Variants in RSRC1 observed in about 807,000 individuals in gnomAD.
RSRC1 encodes the protein serine/Arginine-related protein 53.
A neutral mutation model predicts 49.1 loss-of-function variants in RSRC1; 39 were observed. The observed-to-expected ratio is 0.79, with a 90% CI of 0.61 to 1.04. The LOEUF (loss-of-function observed/expected upper bound fraction) is 1.04, where lower values mean the gene tolerates loss of function less well. RSRC1 is among the 50% of genes least tolerant of loss of function. RSRC1 has a pLI of 0.00. For synonymous variants in RSRC1, 143 were observed against 130.8 expected (o/e 1.09, Z -0.63); for missense variants, 388 against 402.4 (o/e 0.96, Z 0.31).
At chr3:158,324,820 A>G (rs543689222) in intron 5 of RSRC1, among the ~76,000 whole-genome samples, 30 of 152,330 alleles carry the variant, frequency 2.0e-4, no homozygotes, top group African/African-American at 6.5e-4. Flanking sequence ...TGTCTTCCAC[A>G]ATGTTGAAGT....
At chr3:158,217,751 A>AGT (rs376564459) in intron 4 of RSRC1, among the ~76,000 whole-genome samples, 15,473 of 99,726 alleles carry the variant, frequency 0.16, 986 homozygotes, top group South Asian at 0.22. Flanking sequence ...ATTATGGTCC[A>AGT]GTGTGTGTGT....
intron 4 of RSRC1, among the ~76,000 whole-genome samples, chr3:158,282,028 A>G (rs980854111): frequency 5.3e-5 from 8 of 152,176 alleles, no homozygotes; most frequent in Non-Finnish European, 1.0e-4. Flanking sequence ...TGGTACACAT[A>G]CTTGGTACAC....
intron 6 of RSRC1, among the ~76,000 whole-genome samples, chr3:158,424,266 T>G (rs1267889548): frequency 1.3e-5 from 2 of 151,864 alleles, no homozygotes; most frequent in African/African-American, 2.4e-5. Context: ...AATACCTAAT[T>G]TATTGAGAGT....
intron 5 of RSRC1, among the ~76,000 whole-genome samples, chr3:158,326,176 CAG>C (rs1729124422): frequency 2.6e-5 from 4 of 152,158 alleles, no homozygotes; most frequent in African/African-American, 9.7e-5. Flanking sequence ...CATCTGCAAA[CAG>C]GGACAATTTG....
intron 7 of RSRC1, among the ~76,000 whole-genome samples, chr3:158,481,231 T>G (rs1738601383): frequency 6.6e-6 from 1 of 152,068 alleles, no homozygotes; most frequent in African/African-American, 2.4e-5. Flanking sequence ...ACGTATTAAA[T>G]AAAGCCTTAT....
chr3:158,510,233 T>C (rs1470671253), intron 7 of RSRC1, among the ~76,000 whole-genome samples: 1 of 152,208 alleles, frequency 6.6e-6, no homozygotes, highest in Non-Finnish European at 1.5e-5. Flanking sequence ...ATGTATGTAT[T>C]GGTCATTGGT....
chr3:158,503,434 G>A (rs892442184), intron 7 of RSRC1, among the ~76,000 whole-genome samples: 32 of 152,226 alleles, frequency 2.1e-4, no homozygotes, highest in African/African-American at 3.4e-4. Context: ...AGTGGTGGGC[G>A]GGGCCCTAGA....
At chr3:158,200,025 G>A (rs1309777714) in intron 3 of RSRC1, among the ~76,000 whole-genome samples, 2 of 151,870 alleles carry the variant, frequency 1.3e-5, no homozygotes, top group Non-Finnish European at 2.9e-5. Context: ...TTTATATGAT[G>A]TATATATTTT....
chr3:158,272,354 A>G (rs1725569680), intron 4 of RSRC1, among the ~76,000 whole-genome samples: 1 of 152,142 alleles, frequency 6.6e-6, no homozygotes, highest in Non-Finnish European at 1.5e-5. Context: ...TGGAACCGGC[A>G]GGCTTGATTT....
At chr3:158,204,260 T>A (rs964328513) in intron 4 of RSRC1, among the ~76,000 whole-genome samples, 1 of 152,200 alleles carries the variant, frequency 6.6e-6, no homozygotes, top group African/African-American at 2.4e-5. Flanking sequence ...TATTTCCAAA[T>A]TTATAGTGAT....
At chr3:158,252,352 A>T (rs1270704307) in intron 4 of RSRC1, among the ~76,000 whole-genome samples, 3 of 150,424 alleles carry the variant, frequency 2.0e-5, no homozygotes, top group Non-Finnish European at 4.4e-5. Flanking sequence ...TTTTAAGTAG[A>T]GATGGGGTTT....
At chr3:158,119,410 C>T (rs1048982100) in intron 1 of RSRC1, among the ~76,000 whole-genome samples, 47 of 152,088 alleles carry the variant, frequency 3.1e-4, no homozygotes, top group Non-Finnish European at 1.5e-5. Context: ...CAAATTTATA[C>T]TTTTTAATTT....
chr3:158,147,102 C>CTTTTTTTTTTTTTTTTTTTTTTTT (rs35460810), intron 3 of RSRC1, among the ~76,000 whole-genome samples: 4 of 34,740 alleles, frequency 1.2e-4, no homozygotes, highest in African/African-American at 1.5e-4. Flanking sequence ...GCTTTTCTGC[C>CTTTTTTTTTTTTTTTTTTTTTTTT]TTTTTTTTTT....
At chr3:158,355,282 A>G (rs1015020532) in intron 6 of RSRC1, among the ~76,000 whole-genome samples, 6 of 151,832 alleles carry the variant, frequency 4.0e-5, no homozygotes, top group Admixed American at 1.3e-4. Context: ...CTTTTGAAAG[A>G]AAAATTAAAA....
chr3:158,146,754 G>A (rs1383230608), intron 3 of RSRC1, among the ~76,000 whole-genome samples: 1 of 152,044 alleles, frequency 6.6e-6, no homozygotes, highest in Non-Finnish European at 1.5e-5. Context: ...GAATCCATCT[G>A]GTCCTGGACT....
intron 6 of RSRC1, among the ~76,000 whole-genome samples, chr3:158,358,593 T>C (rs1321109479): frequency 1.3e-5 from 2 of 152,198 alleles, no homozygotes; most frequent in South Asian, 2.1e-4. Context: ...TTCTAGTTCA[T>C]TGAGGTGAAA....
At chr3:158,356,584 A>G (rs560600005) in intron 6 of RSRC1, among the ~76,000 whole-genome samples, 2 of 152,160 alleles carry the variant, frequency 1.3e-5, no homozygotes, top group South Asian at 4.1e-4. Context: ...ACTTACTAAA[A>G]TTTTGTTAAT....
intron 6 of RSRC1, among the ~76,000 whole-genome samples, chr3:158,452,972 TA>T (rs1236678422): frequency 6.6e-6 from 1 of 152,214 alleles, no homozygotes; most frequent in Non-Finnish European, 1.5e-5. Flanking sequence ...TACACTTACG[TA>T]CTTTGGTTTT....
At chr3:158,220,427 C>T (rs924366865) in intron 4 of RSRC1, among the ~76,000 whole-genome samples, 2 of 151,466 alleles carry the variant, frequency 1.3e-5, no homozygotes, top group African/African-American at 2.4e-5. Context: ...GTTCTTCTGA[C>T]GCCGTACCGA....
Sources: gnomAD v4.1 joint callset for allele counts (sites outside exome capture counted in the v4.1 genomes callset) on GRCh38, gnomAD v4.1.1 for gene constraint, MANE v1.5 for transcripts, NCBI Gene and HGNC (gene_info 2026-07-23, HGNC 2026-07-21) for gene names.